MINDY4B: variants seen among roughly 807,000 people sequenced by gnomAD.
MINDY4B encodes inactive ubiquitin carboxyl-terminal hydrolase MINDY-4B.
A neutral mutation model predicts 16.7 loss-of-function variants in MINDY4B; 25 were observed. That is an observed-to-expected ratio of 1.49 (90% CI 1.09 to 2.09). MINDY4B has a LOEUF of 2.09. Ranked by LOEUF, MINDY4B falls within the 30% of genes most tolerant of loss-of-function variation. The pLI is 0.00. For missense variants in MINDY4B, 327 were observed against 168.4 expected, an observed-to-expected ratio of 1.94 and a Z score of -5.21; for synonymous variants, 132 against 61.9, an observed-to-expected ratio of 2.13 and a Z score of -5.32.
chr3:150,898,991 C>T (rs1454368011), intron 3 of MINDY4B, among the ~76,000 whole-genome samples: 3 of 152,114 alleles, frequency 2.0e-5, no homozygotes, highest in Admixed American at 6.6e-5. Context: ...AATTACTAGA[C>T]CATCATGGAA....
intron 10 of MINDY4B, among the ~76,000 whole-genome samples, chr3:150,879,833 C>T (rs532824706): frequency 7.7e-4 from 117 of 152,294 alleles, no homozygotes; most frequent in African/African-American, 2.7e-3. Context: ...GACATCACTG[C>T]TCTCTAGCAT....
rs183912087 is a variant in MINDY4B, at chr3:150,889,451, C to T, written c.753+869G>A. Among the ~76,000 whole-genome samples, 14 of 152,350 alleles carry T rather than the reference C, an allele frequency of 9.2e-5. No homozygotes were observed. In the East Asian group the frequency reaches 2.5e-3, roughly 27 times the overall value. ...AATGACCCTTGTGATTCCACCGGGC[C>T]CACCTGGGTCATCCAGGATCCTTCC... On this transcript the variant is annotated intron_variant, in intron 7 of 11. Transcript: ENST00000465419.
chr3:150,897,792 A>T (rs1712016639), intron 3 of MINDY4B, among the ~76,000 whole-genome samples: 1 of 152,250 alleles, frequency 6.6e-6, no homozygotes. Context: ...ATGCAATAGC[A>T]CTTCAAGGAG....
intron 10 of MINDY4B, among the ~76,000 whole-genome samples, chr3:150,877,980 C>T (rs144952448): frequency 2.6e-4 from 39 of 152,188 alleles, no homozygotes; most frequent in Non-Finnish European, 4.7e-4. Flanking sequence ...AGATAGAACT[C>T]GGTTCATATC....
chr3:150,894,414 A>G (rs1711906008), intron 3 of MINDY4B, 109 bp from the exon 4 acceptor site: 1 of 580,534 alleles, frequency 1.7e-6, no homozygotes, highest in East Asian at 2.9e-5. Context: ...TCCCTTCTAC[A>G]TTCAGGTTTA....
intron 4 of MINDY4B, among the ~76,000 whole-genome samples, chr3:150,893,882 G>C (rs962871243): frequency 3.9e-5 from 6 of 152,050 alleles, no homozygotes. Context: ...GAGGAGACAG[G>C]GTTTCACCAT....
At chr3:150,895,672 C>A (rs1422422123) in intron 3 of MINDY4B, among the ~76,000 whole-genome samples, 1 of 152,160 alleles carries the variant, frequency 6.6e-6, no homozygotes, top group African/African-American at 2.4e-5. Flanking sequence ...ACCCTGTTGG[C>A]CAGCCTGTTC....
At chr3:150,886,485 A>G (rs1711626233) in intron 7 of MINDY4B, among the ~76,000 whole-genome samples, 2 of 152,216 alleles carry the variant, frequency 1.3e-5, no homozygotes, top group East Asian at 1.9e-4. Context: ...ATGCTTTTAT[A>G]TATAGGTTTC....
chr3:150,885,418 A>G lies in MINDY4B; in HGVS notation c.774T>C (p.His258=), dbSNP rs1711595810. The change falls in exon 8 of 12, where the codon CAT becomes CAC. Residue 258 remains histidine, a synonymous_variant. Coordinates refer to ENST00000465419, the MANE Select transcript of MINDY4B (RefSeq NM_001351281.2). The part of the protein sequence containing the change: ...HLLCFRGEGS[H]GVILFLYSLI... Reference sequence around the variant, plus strand: ...GGCTGTACAGAAACAGGATGACACCATGGCTTCCTTCCCCTCTGAACTGTT... The same window carrying G: ...GGCTGTACAGAAACAGGATGACACCGTGGCTTCCTTCCCCTCTGAACTGTT... The G allele has an allele frequency of 1.4e-6, 1 of 702,556 alleles. No individual in the cohort carries two copies. The highest frequency in any genetic ancestry group is 1.7e-5 in the African/African-American group (1 of 57,218). The allele number at this position is 702,556 out of a possible 1,614,324, so 43.5% of individuals were successfully genotyped here. A position where few individuals can be genotyped will look rare whatever the true frequency, so the allele number is the denominator to read the frequency against.
rs1711785864 is a variant in MINDY4B at position 150,890,972 on chromosome 3, G to T, written c.653C>A (p.Thr218Asn). 1 of 702,734 alleles carries T rather than the reference G, an allele frequency of 1.4e-6. No individual in the cohort carries two copies. The highest frequency in any genetic ancestry group is 1.7e-5 in the African/African-American group (1 of 57,258). The allele number at this position is 702,734 out of a possible 1,614,324, so 43.5% of individuals were successfully genotyped here. The part of the protein sequence containing the change: ...LVTEDIYVAS[T>N]PDYSVDNFTE... ...GAAATTGTCCACAGAGTAGTCCGGA[G>T]TCGACGCAACGTAAATGTCCTCAGT... The change falls in exon 6 of 12, where the codon ACT becomes AAT. Residue 218 changes from threonine to asparagine, a missense_variant. By Grantham distance (65) the Thr-to-Asn change is moderately conservative. Coordinates refer to ENST00000465419, the MANE Select transcript of MINDY4B (RefSeq NM_001351281.2).
intron 3 of MINDY4B, among the ~76,000 whole-genome samples, chr3:150,894,534 G>T (rs1711909451): frequency 6.6e-6 from 1 of 152,156 alleles, no homozygotes; most frequent in Admixed American, 6.5e-5. Flanking sequence ...CTACTTTGCA[G>T]TTCACCGTGG....
chr3:150,894,865 TC>T (rs1052577788), intron 3 of MINDY4B, among the ~76,000 whole-genome samples: 3 of 152,076 alleles, frequency 2.0e-5, no homozygotes, highest in African/African-American at 7.3e-5. Flanking sequence ...TAGCATGTAC[TC>T]GATCTTGTGT....
chr3:150,894,485 A>G (rs1485928505), intron 3 of MINDY4B, among the ~76,000 whole-genome samples, 180 bp from the exon 4 acceptor site: 2 of 152,114 alleles, frequency 1.3e-5, no homozygotes, highest in Non-Finnish European at 2.9e-5. Context: ...TGTCTAGACA[A>G]CGTTTGTCCC....
rs545798326 is a variant in MINDY4B at position 150,872,185 on chromosome 3, T to C, written c.1241-998A>G. Among the ~76,000 whole-genome samples the C allele has an allele frequency of 2.2e-4, 34 of 152,274 alleles. 1 individual carries two copies. Among genetic ancestry groups the C allele is most frequent in the Middle Eastern group, 3.4e-3 (1 of 294 alleles). On this transcript the variant is annotated intron_variant, in intron 11 of 11. Coordinates refer to ENST00000465419, the MANE Select transcript of MINDY4B (RefSeq NM_001351281.2). The stretch of plus-strand genomic sequence containing the variant: ...AAAGCAAATGATTCTTGTGAGCTAA[T>C]GAAAAATGTTGCTTTATGCAAAGAA...
intron 5 of MINDY4B, 30 bp downstream of exon 5, chr3:150,893,291 GGGT>G (rs1354443438): frequency 5.7e-6 from 4 of 702,156 alleles, no homozygotes; most frequent in Non-Finnish European, 1.0e-5. Context: ...CTAGTGAAAT[GGGT>G]AATTCAAGTA....
At chr3:150,879,761 G>T (rs1347496036) in intron 10 of MINDY4B, among the ~76,000 whole-genome samples, 1 of 152,158 alleles carries the variant, frequency 6.6e-6, no homozygotes, top group Non-Finnish European at 1.5e-5. Flanking sequence ...TGTTCTGGGG[G>T]ATGACCTGGG....
At chr3:150,881,013 G>A (rs796916482) in intron 10 of MINDY4B, among the ~76,000 whole-genome samples, 4 of 152,278 alleles carry the variant, frequency 2.6e-5, no homozygotes, top group East Asian at 1.9e-4. Context: ...GCTTTATAAC[G>A]ATAAACAATT....
intron 6 of MINDY4B, 84 bp from the exon 7 acceptor site, chr3:150,890,469 A>C (rs989522810): frequency 3.9e-6 from 2 of 508,602 alleles, no homozygotes; most frequent in South Asian, 3.0e-5. Context: ...TATTACCACA[A>C]GTGGGTTTTT....
intron 10 of MINDY4B, among the ~76,000 whole-genome samples, chr3:150,876,662 A>G (rs554839886): frequency 6.4e-4 from 97 of 152,294 alleles, no homozygotes; most frequent in Non-Finnish European, 1.2e-3. Context: ...ATTTCTTCCT[A>G]TCAGACTCTC....
Sources: gnomAD v4.1 joint callset for allele counts (sites outside exome capture counted in the v4.1 genomes callset) on GRCh38, gnomAD v4.1.1 for gene constraint, MANE v1.5 for transcripts, NCBI Gene and HGNC (gene_info 2026-07-23, HGNC 2026-07-21) for gene names.